Variants in COL17A1 observed in about 807,000 individuals in gnomAD.
COL17A1 encodes collagen type XVII alpha 1 chain.
Under a neutral mutation model 218.4 loss-of-function variants are expected in COL17A1, and 181 were observed. The ratio of observed to expected loss-of-function variants is 0.83; its 90% CI spans 0.73 to 0.94. The LOEUF (loss-of-function observed/expected upper bound fraction) is 0.94. COL17A1 is among the 40% of genes least tolerant of loss of function. The probability of loss-of-function intolerance (pLI) is 0.00; values close to 1 mark genes in which losing one functional copy is unlikely to be tolerated. For missense variants in COL17A1, 1,924 were observed against 1,945.9 expected, an observed-to-expected ratio of 0.99 and a Z score of 0.21; for synonymous variants, 721 against 731.0, an observed-to-expected ratio of 0.99 and a Z score of 0.22.
In COL17A1 at chr10:104,055,481, C is replaced by CACAA. The variant is rs1277327700; in HGVS notation, c.1688-81_1688-80insTTGT. The CACAA allele has an allele frequency of 8.7e-6, 13 of 1,498,154 alleles. No homozygotes were observed. In the African/African-American group the frequency reaches 1.7e-4, roughly 20 times the overall value. The allele number at this position is 1,498,154 out of a possible 1,614,324, so 92.8% of individuals were successfully genotyped here. ...ACACACACACACACACACACACACA[C>CACAA]AATAAGGGGATCATGGTATGGGAAG... On this transcript the variant is annotated intron_variant, in intron 18 of 55. Transcript: ENST00000648076.
chr10:104,060,601 G>T (rs1229549309), intron 13 of COL17A1, among the ~76,000 whole-genome samples: 1 of 152,110 alleles, frequency 6.6e-6, no homozygotes, highest in East Asian at 1.9e-4. Context: ...CCCCAGTCAG[G>T]TAAGTCCTTC....
At chr10:104,036,389 G>C (rs2086298709) in intron 48 of COL17A1, 103 bp downstream of exon 48, 1 of 1,497,464 alleles carries the variant, frequency 6.7e-7, no homozygotes, top group Non-Finnish European at 9.2e-7. Flanking sequence ...GGTGCAGTCT[G>C]GCAGGTGGGG....
chr10:104,073,339 C>T, intron 6 of COL17A1, 94 bp from the exon 7 acceptor site: 1 of 1,098,546 alleles, frequency 9.1e-7, no homozygotes, highest in South Asian at 1.2e-5. Context: ...GGAGGGGTTA[C>T]TTTCATAGTG....
intron 10 of COL17A1, among the ~76,000 whole-genome samples, chr10:104,064,226 G>A (rs146693869): frequency 6.6e-6 from 1 of 152,278 alleles, no homozygotes; most frequent in East Asian, 1.9e-4. Flanking sequence ...CTGATACACC[G>A]TGCTATATAT....
chr10:104,081,835 A>C (rs950064373), intron 1 of COL17A1, among the ~76,000 whole-genome samples: 2 of 152,210 alleles, frequency 1.3e-5, no homozygotes, highest in African/African-American at 2.4e-5. Context: ...CAAAATGTTT[A>C]CTTTTAACAT....
chr10:104,059,830 CT>C, intron 14 of COL17A1, 112 bp from the exon 15 acceptor site: 1 of 1,184,332 alleles, frequency 8.4e-7, no homozygotes, highest in South Asian at 1.3e-5. Flanking sequence ...CTAGGTTAGA[CT>C]GGTAAGAAGA....
intron 22 of COL17A1, 21 bp from the exon 23 acceptor site, chr10:104,053,156 C>A (rs373468865): frequency 1.3e-5 from 21 of 1,610,390 alleles, no homozygotes; most frequent in Non-Finnish European, 1.8e-5. Context: ...GGATGGCCAG[C>A]CTCCAAGTCA....
At chr10:104,049,781 G>A (rs898481976) in intron 28 of COL17A1, among the ~76,000 whole-genome samples, 12 of 152,190 alleles carry the variant, frequency 7.9e-5, no homozygotes, top group South Asian at 2.1e-4. Flanking sequence ...AGAGGATACC[G>A]GGGTGCAAAC....
At chr10:104,034,914 G>A in intron 50 of COL17A1, 147 bp from the exon 51 acceptor site, 1 of 971,136 alleles carries the variant, frequency 1.0e-6, no homozygotes. Context: ...AAAAGCAGGA[G>A]GCCAGAGCCT....
chr10:104,038,484 G>C lies in COL17A1; in HGVS notation c.2992C>G (p.Pro998Ala), dbSNP rs1217077345. ...GAGCCCGGAGGCCCAGGGGGCCCAG[G>C]GGGCCCTGGCGGGCCTGACACGTAC... is the stretch of plus-strand genomic sequence containing the variant. ...TMYVSGPPGP[P>A]GPPGPPGSIS... is the part of the protein sequence containing the mutation. Residue 998 changes from proline (P) to alanine (A), a missense_variant, in exon 45 of 56, where the codon CCT becomes GCT. Transcript: ENST00000648076. 5.6e-6 allele frequency: 9 copies of C among 1,613,866 alleles called. No individual in the cohort carries two copies. The highest frequency in any genetic ancestry group is 7.6e-6 in the Non-Finnish European group (9 of 1,179,942).
intron 2 of COL17A1, among the ~76,000 whole-genome samples, chr10:104,079,931 A>AAG (rs2086750184): frequency 6.6e-6 from 1 of 151,744 alleles, no homozygotes; most frequent in African/African-American, 2.4e-5. Flanking sequence ...CGTCTCAAAA[A>AAG]AAAAAAAAAA....
chr10:104,061,454 G>A lies in COL17A1; in HGVS notation c.930C>T (p.Asn310=). Residue 310 remains asparagine (N), a synonymous_variant, in exon 13 of 56, where the codon AAC becomes AAT. Coordinates refer to ENST00000648076, the MANE Select transcript of COL17A1 (RefSeq NM_000494.4). ...TCACAGCCGCAGGACTCTGGGGCAT[G>A]TTTTTCTTCACCCCATATGCTGCAA... is the stretch of plus-strand genomic sequence containing the variant. ...TTSTAYGVKK[N]MPQSPAAVNT... is the part of the protein sequence containing the mutation. The A allele has an allele frequency of 1.2e-6, 2 of 1,613,588 alleles. No homozygotes were observed. Among genetic ancestry groups the A allele is most frequent in the Non-Finnish European group, 1.7e-6 (2 of 1,179,852 alleles).
intron 14 of COL17A1, 67 bp from the exon 15 acceptor site, chr10:104,059,785 C>T: frequency 6.6e-7 from 1 of 1,521,660 alleles, no homozygotes; most frequent in Non-Finnish European, 9.1e-7. Flanking sequence ...TCCTGTGTTC[C>T]CCCCGCCCTT....
Position 104,070,350 on chromosome 10 carries a change from T to C in COL17A1, c.607+76A>G, listed in dbSNP as rs977985767. Reference sequence around the variant, plus strand: ...TCTCACTTTCACTGTTCTCTGGGTCTCTGAGTCCACTCTTTGGGTTTGGAT... The same window carrying C: ...TCTCACTTTCACTGTTCTCTGGGTCCCTGAGTCCACTCTTTGGGTTTGGAT... On this transcript the variant is annotated intron_variant, in intron 9 of 55. Coordinates refer to ENST00000648076, the MANE Select transcript of COL17A1 (RefSeq NM_000494.4). The C allele has an allele frequency of 4.4e-6, 7 of 1,600,154 alleles. No individual in the cohort carries two copies. In the East Asian group the frequency reaches 6.8e-5, roughly 15 times the overall value.
At position 104,032,757 on chromosome 10, in the gene COL17A1, G is replaced by A. The variant is rs778522281; in HGVS notation, c.4358-3C>T. On this transcript the variant is annotated splice_region_variant and splice_polypyrimidine_tract_variant and intron_variant, in intron 54 of 55. Coordinates refer to ENST00000648076, the MANE Select transcript of COL17A1 (RefSeq NM_000494.4). ...TGGCCCAGCAGGGCCCCTGTCACCT[G>A]GAAGGAAAAATGGGGCGTAACTAAG... 1.2e-6 allele frequency: 2 copies of A among 1,614,136 alleles called. No homozygotes were observed. Among genetic ancestry groups the A allele is most frequent in the South Asian group, 1.1e-5 (1 of 91,076 alleles).
At position 104,050,119 on chromosome 10, in the gene COL17A1, G is replaced by C. The variant is rs757027827; in HGVS notation, c.2134C>G (p.Gln712Glu). The C allele has an allele frequency of 1.2e-5, 20 of 1,614,072 alleles. No homozygotes were observed. Among genetic ancestry groups the C allele is most frequent in the Non-Finnish European group, 1.6e-5 (19 of 1,179,986 alleles). Residue 712 changes from glutamine to glutamate, a missense_variant, in exon 28 of 56, where the codon CAG becomes GAG. Physicochemically the swap from Gln to Glu is conservative, Grantham distance 29. Transcript: ENST00000648076. The part of the protein sequence containing the change: ...PMGPPGPKGD[Q>E]GEKGPRGLTG... ...AGGCCTCGAGGTCCTTTCTCACCCT[G>C]GTCACCTAAAGCAAACAAGGGGGAG...
rs1410375031 is a variant in COL17A1 at position 104,033,223 on chromosome 10, G to A, written c.4294+15C>T. The stretch of plus-strand genomic sequence containing the variant: ...CAGTGAGGCAGGTGCTGGGAAAGCA[G>A]TTGGATGCCCTTACTTTGGAAGAAG... On this transcript the variant is annotated intron_variant, in intron 53 of 55. Transcript: ENST00000648076. 1 of 1,578,268 alleles carries A rather than the reference G, an allele frequency of 6.3e-7. No individual in the cohort carries two copies. Among genetic ancestry groups the A allele is most frequent in the African/African-American group, 1.3e-5 (1 of 74,778 alleles).
intron 10 of COL17A1, 150 bp from the exon 11 acceptor site, chr10:104,063,968 C>T: frequency 9.0e-7 from 1 of 1,114,904 alleles, no homozygotes; most frequent in Non-Finnish European, 1.3e-6. Flanking sequence ...AGGCTCTTGC[C>T]TTGCAGCAGA....
intron 8 of COL17A1, among the ~76,000 whole-genome samples, chr10:104,071,253 C>T (rs1166601252): frequency 6.6e-6 from 1 of 152,040 alleles, no homozygotes; most frequent in Non-Finnish European, 1.5e-5. Context: ...GAACTCTCAA[C>T]CCCAACTCCC....
Sources: allele counts gnomAD v4.1 joint callset (sites outside exome capture counted in the v4.1 genomes callset), GRCh38; gene constraint gnomAD v4.1.1; transcripts MANE v1.5; gene names NCBI Gene and HGNC (gene_info 2026-07-23, HGNC 2026-07-21).